The following C12orf54 variants were observed in gnomAD, a reference collection of about 807,000 sequenced individuals.
C12orf54 encodes the protein chromosome 12 open reading frame 54, also known as uncharacterized protein C12orf54.
A neutral mutation model predicts 26.4 loss-of-function variants in C12orf54; 24 were observed. The observed-to-expected ratio is 0.91, with a 90% CI of 0.66 to 1.28. The LOEUF is 1.28. C12orf54 is among the 50% of genes most tolerant of loss of function. C12orf54 has a pLI of 0.00. For synonymous variants in C12orf54, 54 were observed against 47.0 expected, an observed-to-expected ratio of 1.15 and a Z score of -0.61; for missense variants, 154 against 150.9, an observed-to-expected ratio of 1.02 and a Z score of -0.11.
At chr12:48,438,620 T>C in the C12orf54 span, among the ~76,000 whole-genome samples, 1 of 152,182 alleles carries the variant, frequency 6.6e-6, no homozygotes, top group Non-Finnish European at 1.5e-5. Flanking sequence ...AACTATCTGA[T>C]CTTTGACAAA....
intron 7 of C12orf54, 41 bp from the exon 8 acceptor site, chr12:48,494,757 C>G: frequency 6.3e-7 from 1 of 1,593,330 alleles, no homozygotes; most frequent in Non-Finnish European, 8.6e-7. Context: ...AGGGTAAGAT[C>G]TCTTTCCCTC....
chr12:48,450,548 C>A, the C12orf54 span, among the ~76,000 whole-genome samples: 1 of 151,962 alleles, frequency 6.6e-6, no homozygotes, highest in Non-Finnish European at 1.5e-5. Flanking sequence ...AATCCAGGAG[C>A]TAGTTTTTTG....
the C12orf54 span, among the ~76,000 whole-genome samples, chr12:48,434,789 A>G: frequency 6.6e-6 from 1 of 152,218 alleles, no homozygotes; most frequent in Non-Finnish European, 1.5e-5. Context: ...GACCAAAGGT[A>G]GATAAAACCA....
At position 48,488,935 on chromosome 12, in the gene C12orf54, T is replaced by C; in HGVS notation, c.147T>C (p.Val49=). 6.2e-7 allele frequency: 1 copy of C among 1,610,946 alleles called. No individual in the cohort carries two copies. The highest frequency in any genetic ancestry group is 8.5e-7 in the Non-Finnish European group (1 of 1,177,280). The change falls in exon 5 of 9, where the codon GTT becomes GTC. Residue 49 remains valine (V), a synonymous_variant. Transcript: ENST00000548364. Reference sequence around the variant, plus strand: ...TTGTCTTCTGTCAGGTGCTGACAGTTTTTAAGGATATACAAAAGGAGGTGA... The same window carrying C: ...TTGTCTTCTGTCAGGTGCTGACAGTCTTTAAGGATATACAAAAGGAGGTGA... ...TETLWDQVLT[V]FKDIQKELQE...
At chr12:48,436,972 T>C in the C12orf54 span, among the ~76,000 whole-genome samples, 2 of 152,060 alleles carry the variant, frequency 1.3e-5, no homozygotes, top group Admixed American at 1.3e-4. Flanking sequence ...CAGGAGCTTG[T>C]TTTTTGAAAA....
At chr12:48,477,667 G>A (rs536023519), upstream of C12orf54, among the ~76,000 whole-genome samples, 20 of 152,250 alleles carry the variant, frequency 1.3e-4, no homozygotes, top group African/African-American at 4.1e-4. Context: ...TAAATTCCTC[G>A]ACACATACAT....
At chr12:48,451,185 A>C in the C12orf54 span, among the ~76,000 whole-genome samples, 118 of 152,306 alleles carry the variant, frequency 7.7e-4, no homozygotes, top group Middle Eastern at 3.4e-3. Flanking sequence ...CAACATACAC[A>C]AATCAGTAAA....
At chr12:48,454,987 C>G in the C12orf54 span, among the ~76,000 whole-genome samples, 1 of 152,126 alleles carries the variant, frequency 6.6e-6, no homozygotes, top group Admixed American at 6.5e-5. Flanking sequence ...TCAGAGGGTA[C>G]CTGTGCAGGT....
chr12:48,488,197 G>T, intron 4 of C12orf54: 1 of 707,414 alleles, frequency 1.4e-6, no homozygotes, highest in Non-Finnish European at 2.6e-6. Context: ...TACCTTCATT[G>T]GCCCCTGGAG....
the C12orf54 span, among the ~76,000 whole-genome samples, chr12:48,417,600 A>G: frequency 4.6e-5 from 7 of 152,102 alleles, no homozygotes; most frequent in Admixed American, 1.3e-4. Flanking sequence ...CTTTCGTTTT[A>G]GATTCAGAGG....
At chr12:48,445,809 C>T in the C12orf54 span, among the ~76,000 whole-genome samples, 3 of 152,294 alleles carry the variant, frequency 2.0e-5, no homozygotes, top group South Asian at 6.2e-4. Flanking sequence ...TTTCTTCACT[C>T]CCAATCCAAG....
chr12:48,484,134 G>A (rs1243197177), intron 2 of C12orf54, among the ~76,000 whole-genome samples: 2 of 152,226 alleles, frequency 1.3e-5, no homozygotes, highest in Non-Finnish European at 2.9e-5. Flanking sequence ...GGCGGAGGTT[G>A]CGGTGAGCCG....
At chr12:48,486,368 C>G (rs1954264761) in intron 3 of C12orf54, 160 bp downstream of exon 3, 1 of 696,864 alleles carries the variant, frequency 1.4e-6, no homozygotes, top group African/African-American at 1.8e-5. Flanking sequence ...GTCTACCAAA[C>G]CAGGTAACGT....
At chr12:48,479,133 C>T (rs1407524301), upstream of C12orf54, among the ~76,000 whole-genome samples, 1 of 152,150 alleles carries the variant, frequency 6.6e-6, no homozygotes, top group East Asian at 1.9e-4. Context: ...CAATGATAGA[C>T]TGGATTAAGA....
chr12:48,487,369 T>C (rs1242597981), intron 4 of C12orf54, among the ~76,000 whole-genome samples: 5 of 152,302 alleles, frequency 3.3e-5, no homozygotes, highest in Non-Finnish European at 7.4e-5. Context: ...GGCTTTCTGA[T>C]TAAAATGAGT....
the C12orf54 span, among the ~76,000 whole-genome samples, chr12:48,429,300 T>C: frequency 1.3e-5 from 2 of 151,724 alleles, no homozygotes; most frequent in Non-Finnish European, 1.5e-5. Flanking sequence ...TCAGCATAGT[T>C]CTGGAAGTCC....
At chr12:48,462,616 G>C in the C12orf54 span, among the ~76,000 whole-genome samples, 5 of 151,420 alleles carry the variant, frequency 3.3e-5, 1 homozygote, top group East Asian at 9.7e-4. Context: ...CATATTAACA[G>C]AATAAAGAAG....
At chr12:48,491,963 T>C (rs1002694933) in intron 6 of C12orf54, among the ~76,000 whole-genome samples, 1 of 152,186 alleles carries the variant, frequency 6.6e-6, no homozygotes, top group Non-Finnish European at 1.5e-5. Context: ...CTCTTGGCTC[T>C]TGAATCCCAC....
chr12:48,460,752 A>G, the C12orf54 span, among the ~76,000 whole-genome samples: 3 of 152,158 alleles, frequency 2.0e-5, no homozygotes, highest in Admixed American at 1.3e-4. Context: ...GATATAAGCT[A>G]TAAACCATAA....
Sources: allele counts gnomAD v4.1 joint callset (sites outside exome capture counted in the v4.1 genomes callset), GRCh38; gene constraint gnomAD v4.1.1; transcripts MANE v1.5; gene names NCBI Gene and HGNC (gene_info 2026-07-23, HGNC 2026-07-21).